SGCD: variants seen among roughly 807,000 people sequenced by gnomAD.
The protein encoded by SGCD is sarcoglycan delta.
Under a neutral mutation model 36.6 loss-of-function variants are expected in SGCD, and 18 were observed. The ratio of observed to expected loss-of-function variants is 0.49; its 90% CI spans 0.34 to 0.73. SGCD has a LOEUF of 0.73. Ranked by LOEUF, SGCD falls within the 30% of genes least tolerant of loss-of-function variation. The pLI is 0.01. For synonymous variants in SGCD, 133 were observed against 130.6 expected, an observed-to-expected ratio of 1.02 and a Z score of -0.12; for missense variants, 387 against 346.7, an observed-to-expected ratio of 1.12 and a Z score of -0.92.
intron 6 of SGCD, among the ~76,000 whole-genome samples, chr5:156,635,713 T>G (rs1209091049): frequency 6.6e-6 from 1 of 152,116 alleles, no homozygotes; most frequent in East Asian, 1.9e-4. Context: ...CCATAAAAAA[T>G]GATGAGTTCA....
intron 1 of SGCD, among the ~76,000 whole-genome samples, chr5:156,078,237 G>A (rs1412160597): frequency 6.6e-6 from 1 of 151,690 alleles, no homozygotes; most frequent in Non-Finnish European, 1.5e-5. Context: ...TACAACGCCG[G>A]GTGTGGTGGC....
chr5:156,103,904 G>A (rs1207642919), intron 1 of SGCD, among the ~76,000 whole-genome samples: 1 of 151,866 alleles, frequency 6.6e-6, no homozygotes, highest in African/African-American at 2.4e-5. Flanking sequence ...TATTAATATG[G>A]CCCTAATTGC....
chr5:155,959,701 G>A (rs116749574), intron 1 of SGCD, among the ~76,000 whole-genome samples: 1 of 152,138 alleles, frequency 6.6e-6, no homozygotes, highest in African/African-American at 2.4e-5. Flanking sequence ...GCAAGTTTTA[G>A]TAGTACTTTT....
intron 3 of SGCD, among the ~76,000 whole-genome samples, chr5:156,408,837 G>A (rs1192585567): frequency 2.0e-5 from 3 of 152,256 alleles, no homozygotes; most frequent in African/African-American, 7.2e-5. Context: ...GAGCTCTTCA[G>A]TCAGATTTAC....
intron 4 of SGCD, among the ~76,000 whole-genome samples, chr5:156,574,112 A>C (rs748075585): frequency 7.6e-4 from 115 of 152,234 alleles, no homozygotes; most frequent in Non-Finnish European, 1.3e-3. Flanking sequence ...AGGCAATGCT[A>C]TTCTCTCCCC....
At chr5:156,171,414 C>G (rs1429937054) in intron 3 of SGCD, among the ~76,000 whole-genome samples, 1 of 152,148 alleles carries the variant, frequency 6.6e-6, no homozygotes, top group Non-Finnish European at 1.5e-5. Flanking sequence ...TAGATCTAAA[C>G]AGCTACATTT....
chr5:156,647,592 A>G (rs1763278995), intron 7 of SGCD, 56 bp downstream of exon 7: 1 of 1,102,614 alleles, frequency 9.1e-7, no homozygotes, highest in Admixed American at 2.0e-5. Flanking sequence ...GCTCTGTGCA[A>G]CTGGCCAGTG....
intron 3 of SGCD, among the ~76,000 whole-genome samples, chr5:156,137,198 T>C (rs1371520902): frequency 1.3e-5 from 2 of 152,188 alleles, no homozygotes; most frequent in Non-Finnish European, 2.9e-5. Flanking sequence ...CCAAATAAGG[T>C]CTTTCCCTTA....
chr5:156,448,057 G>A lies in SGCD; in HGVS notation c.193-60544G>A, dbSNP rs77667064. 8.8e-3 allele frequency among the ~76,000 whole-genome samples: 1,333 copies of A among 152,232 alleles called. 14 individuals are homozygous for A. Among genetic ancestry groups the A allele is most frequent in the African/African-American group, 0.03 (1,256 of 41,554 alleles). On this transcript the variant is annotated intron_variant, in intron 3 of 8. Coordinates refer to ENST00000337851, the MANE Select transcript of SGCD (RefSeq NM_000337.6). ...TCAGGTCTGTCTGAATTCTAGATCTGTACTTTTGACTTTCACTGTATTCTG... is the reference window on the plus strand; with the variant it reads ...TCAGGTCTGTCTGAATTCTAGATCTATACTTTTGACTTTCACTGTATTCTG...
intron 3 of SGCD, among the ~76,000 whole-genome samples, chr5:156,499,645 A>G (rs1349400520): frequency 2.0e-5 from 3 of 152,184 alleles, no homozygotes; most frequent in Non-Finnish European, 1.5e-5. Context: ...CAAAGATTCA[A>G]AAAGGGGAGG....
At chr5:156,488,673 C>T (rs1755810584) in intron 3 of SGCD, among the ~76,000 whole-genome samples, 1 of 152,070 alleles carries the variant, frequency 6.6e-6, no homozygotes, top group South Asian at 2.1e-4. Context: ...CATCTGGAAG[C>T]CAGAACATGA....
At chr5:156,708,495 G>A (rs1463450591) in intron 7 of SGCD, among the ~76,000 whole-genome samples, 1 of 152,116 alleles carries the variant, frequency 6.6e-6, no homozygotes, top group Non-Finnish European at 1.5e-5. Context: ...ATGAAGTTCA[G>A]AATGTAAATT....
intron 6 of SGCD, among the ~76,000 whole-genome samples, chr5:156,636,078 T>C (rs572089088): frequency 2.0e-5 from 3 of 152,174 alleles, no homozygotes; most frequent in African/African-American, 7.2e-5. Context: ...CAGGGACTCA[T>C]CAAAGGTTGT....
At chr5:156,569,367 G>A (rs9918120) in intron 4 of SGCD, among the ~76,000 whole-genome samples, 73 of 152,106 alleles carry the variant, frequency 4.8e-4, no homozygotes, top group African/African-American at 1.6e-3. Flanking sequence ...CGAGGCAGGC[G>A]GATCACCTGA....
intron 4 of SGCD, among the ~76,000 whole-genome samples, chr5:156,537,108 C>T (rs1758146316): frequency 1.3e-5 from 2 of 152,176 alleles, no homozygotes. Flanking sequence ...ATGGCAAAAG[C>T]CAGTGAAGCA....
the SGCD span, among the ~76,000 whole-genome samples, chr5:155,728,132 G>A: frequency 6.6e-6 from 1 of 152,148 alleles, no homozygotes; most frequent in African/African-American, 2.4e-5. Context: ...GAGCCTCTCG[G>A]CGGCTTCCCC....
At chr5:155,787,339 T>C in the SGCD span, among the ~76,000 whole-genome samples, 1 of 152,188 alleles carries the variant, frequency 6.6e-6, no homozygotes. Context: ...TTTTGTGAGC[T>C]GGGAGATTAA....
At chr5:155,807,083 A>G in the SGCD span, among the ~76,000 whole-genome samples, 1 of 152,192 alleles carries the variant, frequency 6.6e-6, no homozygotes, top group Non-Finnish European at 1.5e-5. Context: ...TGCTTATTTT[A>G]AGTGTTAAAA....
rs138206787 is a variant in SGCD at position 156,001,182 on chromosome 5, T to C, written c.-281-116696T>C. 5.4e-4 allele frequency among the ~76,000 whole-genome samples: 83 copies of C among 152,344 alleles called. 1 individual carries two copies. In the East Asian group the frequency reaches 0.01, roughly 18 times the overall value. The stretch of plus-strand genomic sequence containing the variant: ...GGGACAGGCTCTGGGAGTTGATATA[T>C]AAATGGTTATAGGCAGGTCGCTACA... On this transcript the variant is annotated intron_variant, in intron 1 of 9. Coordinates refer to the SGCD transcript ENST00000517913.
Sources: gnomAD v4.1 joint callset for allele counts (sites outside exome capture counted in the v4.1 genomes callset) on GRCh38, gnomAD v4.1.1 for gene constraint, MANE v1.5 for transcripts, NCBI Gene and HGNC (gene_info 2026-07-23, HGNC 2026-07-21) for gene names.